The following TBCA variants were observed in gnomAD, a reference collection of about 807,000 sequenced individuals.
The protein encoded by TBCA is tubulin-specific chaperone A.
TBCA carries 6 observed loss-of-function variants against 15.8 expected under a neutral mutation model. The observed-to-expected ratio is 0.38, with a 90% confidence interval of 0.21 to 0.75. The LOEUF is 0.75. Ranked by LOEUF, TBCA falls within the 30% of genes least tolerant of loss-of-function variation. TBCA has a pLI of 0.46. For missense variants in TBCA, 90 were observed against 131.2 expected, an observed-to-expected ratio of 0.69 and a Z score of 1.53; for synonymous variants, 32 against 42.3, an observed-to-expected ratio of 0.76 and a Z score of 0.94.
intron 1 of TBCA, among the ~76,000 whole-genome samples, chr5:77,771,188 C>T (rs1580142231): frequency 6.6e-6 from 1 of 151,544 alleles, no homozygotes; most frequent in African/African-American, 2.4e-5. Flanking sequence ...TCTCTAGTTT[C>T]ACAGCAAGAA....
intron 1 of TBCA, among the ~76,000 whole-genome samples, chr5:77,771,734 A>G (rs1450371628): frequency 6.6e-6 from 1 of 152,080 alleles, no homozygotes; most frequent in African/African-American, 2.4e-5. Context: ...CTAACATTCA[A>G]CCTGCCTGTC....
chr5:77,715,539 C>G (rs1338562847), intron 1 of TBCA, among the ~76,000 whole-genome samples: 1 of 152,040 alleles, frequency 6.6e-6, no homozygotes, highest in African/African-American at 2.4e-5. Context: ...TAATTAGAAA[C>G]TCCAGGAACC....
At chr5:77,705,814 CAG>C (rs1299153394) in intron 2 of TBCA, among the ~76,000 whole-genome samples, 7 of 152,024 alleles carry the variant, frequency 4.6e-5, no homozygotes, top group Non-Finnish European at 8.8e-5. Flanking sequence ...TTGGGCATCA[CAG>C]AGAGATCCCA....
At position 77,728,165 on chromosome 5, in the gene TBCA, T is replaced by A. The variant is rs77266758; in HGVS notation, c.54-19818A>T. 7.8e-3 allele frequency among the ~76,000 whole-genome samples: 1,194 copies of A among 152,214 alleles called. 85 individuals are homozygous for A. In the East Asian group the frequency reaches 0.17, roughly 22 times the overall value. ...TAAATATTTTTATTAGAATAATACA[T>A]TTCAAAACTGCAAGCATAATATCTA... is the stretch of plus-strand genomic sequence containing the variant. On this transcript the variant is annotated intron_variant, in intron 1 of 3. Coordinates refer to ENST00000380377, the MANE Select transcript of TBCA (RefSeq NM_004607.3).
chr5:77,717,114 A>T (rs1746415098), intron 1 of TBCA, among the ~76,000 whole-genome samples: 1 of 152,242 alleles, frequency 6.6e-6, no homozygotes, highest in Non-Finnish European at 1.5e-5. Context: ...AGGTCAATCT[A>T]GTCAGAGAAC....
In TBCA at chr5:77,776,284, G is replaced by T. The variant is rs756959141; in HGVS notation, c.-27C>A. 1.3e-6 allele frequency: 2 copies of T among 1,569,058 alleles called. No individual in the cohort carries two copies. The highest frequency in any genetic ancestry group is 1.2e-5 in the South Asian group (1 of 85,294). ...GTCCCTCGAGCGCCGCGAGAAGGAG[G>T]GGCGGAGAGCCGGGGTAACCGTGGA... On this transcript the variant is annotated 5_prime_UTR_variant, in exon 1 of 4. Coordinates refer to ENST00000380377, the MANE Select transcript of TBCA (RefSeq NM_004607.3).
At chr5:77,765,664 G>A (rs1032088767) in intron 1 of TBCA, among the ~76,000 whole-genome samples, 1 of 151,988 alleles carries the variant, frequency 6.6e-6, no homozygotes, top group African/African-American at 2.4e-5. Flanking sequence ...TGTTTCTTCT[G>A]TCTGAATGAC....
chr5:77,695,670 T>C (rs1287695127), intron 2 of TBCA, among the ~76,000 whole-genome samples: 1 of 152,222 alleles, frequency 6.6e-6, no homozygotes, highest in African/African-American at 2.4e-5. Context: ...ATTAAATGAA[T>C]ATTATCTTTC....
intron 1 of TBCA, among the ~76,000 whole-genome samples, chr5:77,750,310 T>A (rs772016539): frequency 1.3e-5 from 2 of 152,158 alleles, no homozygotes; most frequent in African/African-American, 4.8e-5. Flanking sequence ...AGTAAGACAC[T>A]GTTTCTGTCC....
intron 1 of TBCA, among the ~76,000 whole-genome samples, chr5:77,744,392 A>G (rs764402379): frequency 7.9e-5 from 12 of 152,080 alleles, no homozygotes; most frequent in Non-Finnish European, 1.3e-4. Flanking sequence ...GCAAAGTATT[A>G]GCCCAAAATA....
Position 77,731,797 on chromosome 5 carries a change from CATA to C in TBCA, c.54-23453_54-23451del, listed in dbSNP as rs1216826734. On this transcript the variant is annotated intron_variant, in intron 1 of 3. Transcript: ENST00000380377. The stretch of plus-strand genomic sequence containing the variant: ...TTTTCTTTATGGCATCCAGGTTTTA[CATA>C]GATAAGGACTTTCCAAAAAATAAAA... 1.8e-4 allele frequency among the ~76,000 whole-genome samples: 27 copies of C among 152,018 alleles called. No individual in the cohort carries two copies. In the East Asian group the frequency reaches 4.6e-3, roughly 26 times the overall value.
At chr5:77,718,025 G>A (rs866875327) in intron 1 of TBCA, among the ~76,000 whole-genome samples, 7 of 152,068 alleles carry the variant, frequency 4.6e-5, no homozygotes, top group South Asian at 2.1e-4. Flanking sequence ...AGCTACTCGG[G>A]AGGCTGAGGC....
intron 1 of TBCA, among the ~76,000 whole-genome samples, chr5:77,767,443 GT>G (rs1233399456): frequency 1.3e-5 from 2 of 152,186 alleles, no homozygotes; most frequent in African/African-American, 4.8e-5. Context: ...TGTAATCATT[GT>G]GTGAATCATT....
At chr5:77,769,849 G>A (rs972613058) in intron 1 of TBCA, among the ~76,000 whole-genome samples, 5 of 152,086 alleles carry the variant, frequency 3.3e-5, no homozygotes, top group Non-Finnish European at 5.9e-5. Flanking sequence ...CTAATCTACT[G>A]GTGTCACTTT....
At chr5:77,716,406 T>A (rs1746400154) in intron 1 of TBCA, among the ~76,000 whole-genome samples, 1 of 152,208 alleles carries the variant, frequency 6.6e-6, no homozygotes, top group African/African-American at 2.4e-5. Flanking sequence ...TGGTATATCA[T>A]GAAATATCAT....
intron 1 of TBCA, among the ~76,000 whole-genome samples, chr5:77,742,576 G>A (rs1288370727): frequency 6.6e-6 from 1 of 152,170 alleles, no homozygotes; most frequent in African/African-American, 2.4e-5. Flanking sequence ...GCGTTTTCCT[G>A]TATGTCAATG....
At chr5:77,696,491 G>A (rs901750440) in intron 2 of TBCA, among the ~76,000 whole-genome samples, 1 of 152,252 alleles carries the variant, frequency 6.6e-6, no homozygotes, top group Admixed American at 6.5e-5. Flanking sequence ...AAATGTAAAT[G>A]ATGTAAATAC....
intron 1 of TBCA, among the ~76,000 whole-genome samples, chr5:77,713,095 A>C (rs1272365784): frequency 2.0e-5 from 3 of 152,090 alleles, no homozygotes; most frequent in Admixed American, 6.5e-5. Context: ...GGAGTCTGAG[A>C]CCAACCTGGG....
In TBCA at chr5:77,714,577, T is replaced by TA. The variant is rs1319539323; in HGVS notation, c.54-6231_54-6230insT. The stretch of plus-strand genomic sequence containing the variant: ...CAATTATTACTATTATTATTATTAT[T>TA]TTTTTTTGAGATGGAGTCTGTCTCT... On this transcript the variant is annotated intron_variant, in intron 1 of 3. Coordinates refer to ENST00000380377, the MANE Select transcript of TBCA (RefSeq NM_004607.3). 3.3e-3 allele frequency among the ~76,000 whole-genome samples: 498 copies of TA among 151,006 alleles called. 4 individuals are homozygous for TA. The highest frequency in any genetic ancestry group is 0.012 in the African/African-American group (472 of 41,020).
Sources: gnomAD v4.1 joint callset for allele counts (sites outside exome capture counted in the v4.1 genomes callset) on GRCh38, gnomAD v4.1.1 for gene constraint, MANE v1.5 for transcripts, NCBI Gene and HGNC (gene_info 2026-07-23, HGNC 2026-07-21) for gene names.